Variants in PRR16 observed in about 807,000 individuals in gnomAD.
PRR16 encodes proline rich 16.
In PRR16, 6 loss-of-function variants were observed where a neutral mutation model predicts 18.2. That is an observed-to-expected ratio of 0.33 (90% CI 0.18 to 0.65). The LOEUF (loss-of-function observed/expected upper bound fraction) is 0.65, where lower values mean the gene tolerates loss of function less well. Among genes scored for constraint, PRR16 ranks in the 30% least tolerant of loss-of-function variants. The probability of loss-of-function intolerance (pLI) is 0.74; values close to 1 mark genes in which losing one functional copy is unlikely to be tolerated. For synonymous variants in PRR16, 151 were observed against 147.8 expected, an observed-to-expected ratio of 1.02 and a Z score of -0.16; for missense variants, 412 against 376.6, an observed-to-expected ratio of 1.09 and a Z score of -0.78.
At chr5:120,704,863 C>A in the PRR16 span, among the ~76,000 whole-genome samples, 1 of 152,174 alleles carries the variant, frequency 6.6e-6, no homozygotes, top group African/African-American at 2.4e-5. Context: ...CGCATTTTTT[C>A]ACCATATGTG....
At chr5:120,558,584 A>G (rs1752485527) in intron 1 of PRR16, among the ~76,000 whole-genome samples, 3 of 152,042 alleles carry the variant, frequency 2.0e-5, no homozygotes, top group African/African-American at 7.2e-5. Flanking sequence ...AGTCTTGGCT[A>G]TTGTGAACAG....
intron 1 of PRR16, among the ~76,000 whole-genome samples, chr5:120,558,394 A>G (rs1161749910): frequency 6.6e-6 from 1 of 151,926 alleles, no homozygotes. Context: ...AAATTAGAAC[A>G]TGTGAATTTG....
intron 1 of PRR16, among the ~76,000 whole-genome samples, chr5:120,647,176 G>A (rs1238294529): frequency 6.6e-6 from 1 of 151,766 alleles, no homozygotes; most frequent in Admixed American, 6.6e-5. Context: ...TATGGCGGGA[G>A]AAGTATAGAA....
At chr5:120,683,202 A>C (rs79974925) in intron 1 of PRR16, among the ~76,000 whole-genome samples, 221 of 152,288 alleles carry the variant, frequency 1.5e-3, no homozygotes, top group African/African-American at 5.1e-3. Context: ...ATTTTTTAAA[A>C]ATTTTGTGAG....
the PRR16 span, among the ~76,000 whole-genome samples, chr5:120,782,004 T>TG: frequency 0.48 from 72,799 of 151,996 alleles, 18,064 homozygotes; most frequent in African/African-American, 0.6. Context: ...AACAGTGATT[T>TG]GCATATAAAT....
chr5:120,765,061 T>G, the PRR16 span, among the ~76,000 whole-genome samples: 1 of 152,040 alleles, frequency 6.6e-6, no homozygotes, highest in Non-Finnish European at 1.5e-5. Context: ...CTCTGTCTTT[T>G]GAAACCTGAC....
intron 1 of PRR16, among the ~76,000 whole-genome samples, chr5:120,636,979 T>C (rs1347523904): frequency 1.3e-5 from 2 of 151,860 alleles, no homozygotes; most frequent in Admixed American, 6.6e-5. Context: ...TAAGGACATG[T>C]ATAGACAATT....
the PRR16 span, among the ~76,000 whole-genome samples, chr5:120,734,337 CTG>C: frequency 2.0e-5 from 3 of 151,394 alleles, no homozygotes; most frequent in Non-Finnish European, 4.4e-5. Context: ...CTCTCTCTCT[CTG>C]TGTGTGTGTG....
chr5:120,743,609 TTTA>T, the PRR16 span, among the ~76,000 whole-genome samples: 1 of 152,280 alleles, frequency 6.6e-6, no homozygotes, highest in Non-Finnish European at 1.5e-5. Flanking sequence ...TGAGATATAT[TTTA>T]TTATTAATAG....
At chr5:120,513,247 T>C (rs962325446) in intron 1 of PRR16, among the ~76,000 whole-genome samples, 2 of 152,198 alleles carry the variant, frequency 1.3e-5, no homozygotes, top group African/African-American at 4.8e-5. Context: ...AGTTTCTTTC[T>C]ACTAGGGGAC....
At chr5:120,777,257 T>C in the PRR16 span, among the ~76,000 whole-genome samples, 6 of 152,248 alleles carry the variant, frequency 3.9e-5, no homozygotes, top group African/African-American at 1.4e-4. Flanking sequence ...AATCTACTTA[T>C]TGAGTGCCAG....
Position 120,609,889 on chromosome 5 carries a change from G to A in PRR16, c.160-76065G>A, listed in dbSNP as rs545701425. Among the ~76,000 whole-genome samples, 6 of 152,156 alleles carry A rather than the reference G, an allele frequency of 3.9e-5. No individual in the cohort carries two copies. The South Asian group carries it at 1.0e-3, about 26-fold the overall frequency. On this transcript the variant is annotated intron_variant, in intron 1 of 1. Transcript: ENST00000407149. ...TGGTCCCAGAATTACTTTTTGCACC[G>A]CACTTAGCTTTCCAAATTCTCAGGC...
intron 1 of PRR16, among the ~76,000 whole-genome samples, chr5:120,518,936 A>G (rs541145615): frequency 3.3e-5 from 5 of 152,196 alleles, no homozygotes; most frequent in Non-Finnish European, 7.3e-5. Context: ...TAGAAAAGGC[A>G]GTAATAAACT....
At chr5:120,672,828 G>T (rs1162123790) in intron 1 of PRR16, among the ~76,000 whole-genome samples, 6 of 152,148 alleles carry the variant, frequency 3.9e-5, no homozygotes, top group African/African-American at 1.4e-4. Context: ...AAAGTTTATA[G>T]TTCCATTATC....
chr5:120,473,629 G>T (rs750967149), intron 1 of PRR16, among the ~76,000 whole-genome samples: 1 of 152,094 alleles, frequency 6.6e-6, no homozygotes, highest in Admixed American at 6.5e-5. Flanking sequence ...ATTTGTCTGA[G>T]CCCCTTTATT....
At chr5:120,521,128 T>C (rs1408551760) in intron 1 of PRR16, among the ~76,000 whole-genome samples, 1 of 152,170 alleles carries the variant, frequency 6.6e-6, no homozygotes, top group Non-Finnish European at 1.5e-5. Context: ...ACAAAGATCT[T>C]TGTTCCTCTG....
At chr5:120,663,646 AG>A (rs1224130181) in intron 1 of PRR16, among the ~76,000 whole-genome samples, 1 of 152,186 alleles carries the variant, frequency 6.6e-6, no homozygotes, top group Non-Finnish European at 1.5e-5. Flanking sequence ...AAGGAAAATG[AG>A]CTTAGAAACA....
rs542980241 is a variant in PRR16, at chr5:120,522,446, G to A, written c.159+57801G>A. 5.9e-5 allele frequency among the ~76,000 whole-genome samples: 9 copies of A among 152,294 alleles called. No individual in the cohort carries two copies. The East Asian group carries it at 1.7e-3, about 29-fold the overall frequency. ...AGTGATGATCAGCATTTTTTCATGT[G>A]TCTGTTGACTGCATAAATGTCTTCT... On this transcript the variant is annotated intron_variant, in intron 1 of 1. Coordinates refer to ENST00000407149, the MANE Select transcript of PRR16 (RefSeq NM_001300783.2).
intron 1 of PRR16, among the ~76,000 whole-genome samples, chr5:120,515,916 G>T (rs1750974174): frequency 6.6e-6 from 1 of 152,100 alleles, no homozygotes; most frequent in African/African-American, 2.4e-5. Flanking sequence ...CTTTCTTCAA[G>T]AATCTCTTGT....
Sources: gnomAD v4.1 joint callset for allele counts (sites outside exome capture counted in the v4.1 genomes callset) on GRCh38, gnomAD v4.1.1 for gene constraint, MANE v1.5 for transcripts, NCBI Gene and HGNC (gene_info 2026-07-23, HGNC 2026-07-21) for gene names.